The following ZFAT variants were observed in gnomAD, a reference collection of about 807,000 sequenced individuals.
ZFAT encodes zinc finger and AT-hook domain containing.
Under a neutral mutation model 117.7 loss-of-function variants are expected in ZFAT, and 64 were observed. The observed-to-expected ratio is 0.54, with a 90% CI of 0.44 to 0.67. ZFAT has a LOEUF of 0.67. Ranked by LOEUF, ZFAT falls within the 30% of genes least tolerant of loss-of-function variation. The probability of loss-of-function intolerance (pLI) is 0.00; values close to 1 mark genes in which losing one functional copy is unlikely to be tolerated. For synonymous variants in ZFAT, 679 were observed against 615.0 expected (o/e 1.10, Z -1.54); for missense variants, 1,433 against 1,584.5 (o/e 0.90, Z 1.62).
At chr8:134,742,427 T>A in the ZFAT span, among the ~76,000 whole-genome samples, 1 of 152,174 alleles carries the variant, frequency 6.6e-6, no homozygotes, top group Admixed American at 6.5e-5. Flanking sequence ...CTCTCTCCCA[T>A]CTCAGAGGAA....
rs1254880304 is a variant in ZFAT at position 134,494,606 on chromosome 8, C to T, written c.3492+15013G>A. ...ACCCCACCAGGGCCTTGCTGGTAAC[C>T]GAGCAGTGAAGGAAAACGGAGCTGG... On this transcript the variant is annotated intron_variant, in intron 15 of 15. Transcript: ENST00000377838. 2.6e-5 allele frequency among the ~76,000 whole-genome samples: 4 copies of T among 152,282 alleles called. No homozygotes were observed. The East Asian group carries it at 5.8e-4, about 22-fold the overall frequency.
At chr8:134,693,664 A>AAAT (rs1833691802) in intron 1 of ZFAT, among the ~76,000 whole-genome samples, 2 of 152,142 alleles carry the variant, frequency 1.3e-5, no homozygotes, top group African/African-American at 4.8e-5. Flanking sequence ...AATGCGGAAG[A>AAAT]AATGACGGAA....
chr8:134,749,921 A>G, the ZFAT span, among the ~76,000 whole-genome samples: 1 of 152,306 alleles, frequency 6.6e-6, no homozygotes, highest in Admixed American at 6.5e-5. Context: ...CATCATCTTG[A>G]TAACTAAAAT....
At chr8:134,566,207 A>C (rs990341149) in intron 10 of ZFAT, among the ~76,000 whole-genome samples, 1 of 152,156 alleles carries the variant, frequency 6.6e-6, no homozygotes, top group African/African-American at 2.4e-5. Context: ...ATCCAGGCCA[A>C]CACAGTGAAA....
intron 13 of ZFAT, among the ~76,000 whole-genome samples, chr8:134,520,227 A>G (rs1820552297): frequency 1.3e-5 from 2 of 152,234 alleles, no homozygotes; most frequent in Non-Finnish European, 2.9e-5. Flanking sequence ...GGAAGAGGCC[A>G]GAAATGCAGC....
intron 15 of ZFAT, among the ~76,000 whole-genome samples, chr8:134,481,545 C>T (rs1817307053): frequency 1.3e-5 from 2 of 152,244 alleles, no homozygotes; most frequent in African/African-American, 4.8e-5. Flanking sequence ...TTTAAAAACA[C>T]TAACACCACA....
chr8:134,562,141 C>T (rs1371090511), intron 11 of ZFAT, among the ~76,000 whole-genome samples: 2 of 152,052 alleles, frequency 1.3e-5, no homozygotes, highest in Non-Finnish European at 2.9e-5. Context: ...GTGAGAGATG[C>T]CATATTTCTG....
chr8:134,735,401 C>A, the ZFAT span, among the ~76,000 whole-genome samples: 1 of 152,138 alleles, frequency 6.6e-6, no homozygotes, highest in Admixed American at 6.5e-5. Context: ...GATTGGAGGG[C>A]AGGCTATAGC....
At position 134,592,008 on chromosome 8, in the gene ZFAT, C is replaced by A. The variant is rs1245295392; in HGVS notation, c.2476-1653G>T. Among the ~76,000 whole-genome samples, 7 of 142,916 alleles carry A rather than the reference C, an allele frequency of 4.9e-5. No homozygotes were observed. In the East Asian group the frequency reaches 1.6e-3, roughly 34 times the overall value. 93.8% of individuals were successfully genotyped at this position (142,916 alleles called of 152,430 possible). A position where few individuals can be genotyped will look rare whatever the true frequency, so the allele number is the denominator to read the frequency against. ...CCAAACCCTGGTAGGGAGGACTCTG[C>A]GCAGATAGGTGAATAAAAAGTAAAA... On this transcript the variant is annotated intron_variant, in intron 7 of 15. Transcript: ENST00000377838.
In ZFAT at chr8:134,507,781, A is replaced by C. The variant is rs866526149; in HGVS notation, c.3492+1838T>G. 7.2e-5 allele frequency among the ~76,000 whole-genome samples: 11 copies of C among 152,308 alleles called. 1 individual carries two copies. The Middle Eastern group carries it at 0.01, about 141-fold the overall frequency. On this transcript the variant is annotated intron_variant, in intron 15 of 15. Transcript: ENST00000377838. ...ATCTAGTTCTCAGAAACAAGACACA[A>C]GTCACAACCAGAAGCACCTTCCTGC...
the ZFAT span, among the ~76,000 whole-genome samples, chr8:134,773,552 G>T: frequency 6.6e-6 from 1 of 152,234 alleles, no homozygotes; most frequent in African/African-American, 2.4e-5. Context: ...CATAAATAGT[G>T]ATCCTCTGAT....
upstream of ZFAT, among the ~76,000 whole-genome samples, chr8:134,714,117 C>T (rs866810242): frequency 1.4e-5 from 2 of 140,154 alleles, no homozygotes; most frequent in Admixed American, 7.0e-5. Context: ...GCCCCCCCCC[C>T]CCCAAAAAAA....
At position 134,480,606 on chromosome 8, in the gene ZFAT, G is replaced by A. The variant is rs1397353928; in HGVS notation, c.3493-1885C>T. Among the ~76,000 whole-genome samples the A allele has an allele frequency of 2.0e-5, 3 of 152,236 alleles. No homozygotes were observed. The South Asian group carries it at 6.2e-4, about 32-fold the overall frequency. On this transcript the variant is annotated intron_variant, in intron 15 of 15. Coordinates refer to ENST00000377838, the MANE Select transcript of ZFAT (RefSeq NM_020863.4). ...CTGTGGAGTAGCTGGGCTCTTGCAGGGGCAGCCTATGCCAGTTGGGGTCCC... is the reference window on the plus strand; with the variant it reads ...CTGTGGAGTAGCTGGGCTCTTGCAGAGGCAGCCTATGCCAGTTGGGGTCCC...
chr8:134,831,009 A>G, the ZFAT span, among the ~76,000 whole-genome samples: 1 of 152,218 alleles, frequency 6.6e-6, no homozygotes, highest in Non-Finnish European at 1.5e-5. Flanking sequence ...AATTACTTTC[A>G]GAGAAGCTCC....
At chr8:134,793,943 A>C in the ZFAT span, 1 of 152,252 alleles carries the variant, frequency 6.6e-6, no homozygotes, top group Non-Finnish European at 1.5e-5. Context: ...GGAATTTACA[A>C]GACTATAACA....
the ZFAT span, among the ~76,000 whole-genome samples, chr8:134,724,653 G>A: frequency 5.9e-5 from 9 of 152,160 alleles, no homozygotes; most frequent in Admixed American, 2.0e-4. Flanking sequence ...TCCTGGTTTC[G>A]TCACTTAAAG....
intron 1 of ZFAT, among the ~76,000 whole-genome samples, chr8:134,711,532 G>T (rs1813996807): frequency 6.6e-6 from 1 of 152,164 alleles, no homozygotes; most frequent in Non-Finnish European, 1.5e-5. Context: ...TGAGGCGGGA[G>T]GTTTACCTGA....
chr8:134,656,196 C>T (rs549623638), intron 2 of ZFAT, among the ~76,000 whole-genome samples: 1 of 152,284 alleles, frequency 6.6e-6, no homozygotes, highest in African/African-American at 2.4e-5. Context: ...GGTTCTGACT[C>T]TCACTGTCCC....
chr8:134,570,953 C>T (rs1019046320), intron 10 of ZFAT, among the ~76,000 whole-genome samples: 2 of 152,174 alleles, frequency 1.3e-5, no homozygotes, highest in African/African-American at 4.8e-5. Flanking sequence ...CGAAGACAGA[C>T]AGAGACAGGA....
Sources: allele counts gnomAD v4.1 joint callset (sites outside exome capture counted in the v4.1 genomes callset), GRCh38; gene constraint gnomAD v4.1.1; transcripts MANE v1.5; gene names NCBI Gene and HGNC (gene_info 2026-07-23, HGNC 2026-07-21).